KIF16B: variants seen among roughly 807,000 people sequenced by gnomAD.
The protein encoded by KIF16B is kinesin-like protein KIF16B.
A neutral mutation model predicts 156.3 loss-of-function variants in KIF16B; 98 were observed. The ratio of observed to expected loss-of-function variants is 0.63; its 90% confidence interval spans 0.53 to 0.74. The LOEUF is 0.74. Among genes scored for constraint, KIF16B ranks in the 30% least tolerant of loss-of-function variants. KIF16B has a pLI of 0.00. For missense variants in KIF16B, 1,421 were observed against 1,606.5 expected (o/e 0.88, Z 1.97); for synonymous variants, 564 against 583.7 (o/e 0.97, Z 0.49).
intron 12 of KIF16B, among the ~76,000 whole-genome samples, chr20:16,467,203 G>C (rs985230518): frequency 2.0e-5 from 3 of 152,146 alleles, no homozygotes; most frequent in Non-Finnish European, 4.4e-5. Context: ...GGCCAGGGCA[G>C]GGAGAGGACA....
intron 23 of KIF16B, among the ~76,000 whole-genome samples, chr20:16,354,807 G>A (rs773987780): frequency 5.9e-5 from 9 of 152,120 alleles, no homozygotes; most frequent in Admixed American, 1.3e-4. Context: ...TCAGCCGGAC[G>A]TGGTGGCACA....
In KIF16B at chr20:16,379,532, G is replaced by T. The variant is rs2236144; in HGVS notation, c.2470C>A (p.Arg824Ser). The T allele has an allele frequency of 0.023, 37,123 of 1,614,048 alleles. 618 individuals carry two copies. The highest frequency in any genetic ancestry group is 0.051 in the South Asian group (4,669 of 91,082). Residue 824 changes from arginine (R) to serine (S), a missense_variant, in exon 19 of 26, where the codon CGT (arginine) becomes AGT (serine). Arg to Ser is a moderately radical substitution (Grantham distance 110, BLOSUM62 -1). Coordinates refer to ENST00000354981, the MANE Select transcript of KIF16B (RefSeq NM_024704.5). ...DGEELEKAQL[R>S]FFEFKRRQLV... Reference sequence around the variant, plus strand: ...TGCCTTCTCTTGAATTCGAAGAAACGCAGTTGAGCCTTTTCTAACTCCTCG... The same window carrying T: ...TGCCTTCTCTTGAATTCGAAGAAACTCAGTTGAGCCTTTTCTAACTCCTCG...
intron 12 of KIF16B, among the ~76,000 whole-genome samples, chr20:16,450,771 G>A (rs2067058828): frequency 6.6e-6 from 1 of 152,196 alleles, no homozygotes; most frequent in African/African-American, 2.4e-5. Context: ...AGCAAGAAGA[G>A]ATGCTCAACA....
chr20:16,415,452 C>T (rs182732328), intron 15 of KIF16B, among the ~76,000 whole-genome samples: 1 of 152,236 alleles, frequency 6.6e-6, no homozygotes, highest in Admixed American at 6.5e-5. Flanking sequence ...TTCCTCACGG[C>T]TCTTCTATCA....
chr20:16,312,502 T>G (rs1308379899), intron 24 of KIF16B, 84 bp from the exon 25 acceptor site: 50 of 1,020,100 alleles, frequency 4.9e-5, no homozygotes, highest in Non-Finnish European at 6.8e-5. Context: ...TTGAAATCTC[T>G]TCCATGGGGT....
At chr20:16,418,776 A>G (rs984405063) in intron 15 of KIF16B, among the ~76,000 whole-genome samples, 3 of 152,132 alleles carry the variant, frequency 2.0e-5, no homozygotes, top group Admixed American at 2.0e-4. Flanking sequence ...TTCTCCACTC[A>G]TAAATATTCA....
At chr20:16,545,198 G>A (rs2070358075) in intron 1 of KIF16B, among the ~76,000 whole-genome samples, 1 of 152,076 alleles carries the variant, frequency 6.6e-6, no homozygotes, top group Non-Finnish European at 1.5e-5. Context: ...TCTTTGATAT[G>A]CTTCCTCAAA....
At chr20:16,483,513 C>G (rs193245364) in intron 12 of KIF16B, among the ~76,000 whole-genome samples, 1 of 152,096 alleles carries the variant, frequency 6.6e-6, no homozygotes, top group African/African-American at 2.4e-5. Context: ...AGTTTTACAT[C>G]AAAAAGGATA....
chr20:16,426,877 T>G (rs2066367219), intron 15 of KIF16B, among the ~76,000 whole-genome samples: 1 of 152,102 alleles, frequency 6.6e-6, no homozygotes, highest in African/African-American at 2.4e-5. Context: ...ACAACAACTT[T>G]TAAGATAATT....
At chr20:16,347,572 A>G (rs2064256833) in intron 23 of KIF16B, among the ~76,000 whole-genome samples, 1 of 151,592 alleles carries the variant, frequency 6.6e-6, no homozygotes, top group Non-Finnish European at 1.5e-5. Flanking sequence ...AAAGAAAAAA[A>G]AATTTTTTTT....
At chr20:16,529,410 C>T (rs745544481) in intron 1 of KIF16B, among the ~76,000 whole-genome samples, 105 of 152,264 alleles carry the variant, frequency 6.9e-4, no homozygotes, top group African/African-American at 2.1e-3. Flanking sequence ...ATTTCAATTA[C>T]GACTCTATAG....
At chr20:16,552,753 G>T (rs893657947) in intron 1 of KIF16B, among the ~76,000 whole-genome samples, 2 of 152,064 alleles carry the variant, frequency 1.3e-5, no homozygotes, top group Non-Finnish European at 2.9e-5. Context: ...TGATAGCTAA[G>T]GAAATATGTG....
At chr20:16,381,589 AGC>A in intron 18 of KIF16B, 103 bp downstream of exon 18, 1 of 775,960 alleles carries the variant, frequency 1.3e-6, no homozygotes, top group Non-Finnish European at 2.0e-6. Flanking sequence ...ACAGACACAG[AGC>A]AAGGGGGAAG....
At chr20:16,484,726 A>C (rs2068069759) in intron 12 of KIF16B, among the ~76,000 whole-genome samples, 1 of 152,200 alleles carries the variant, frequency 6.6e-6, no homozygotes, top group Non-Finnish European at 1.5e-5. Context: ...TCTGCAAATT[A>C]AAGCAGAGAG....
intron 12 of KIF16B, among the ~76,000 whole-genome samples, chr20:16,470,482 T>TTTTTG (rs1005805450): frequency 1.3e-5 from 2 of 152,044 alleles, no homozygotes; most frequent in Non-Finnish European, 2.9e-5. Context: ...CATTTTGTTC[T>TTTTTG]TTTTGTTTTG....
chr20:16,317,812 G>A (rs774112040), intron 24 of KIF16B, among the ~76,000 whole-genome samples: 3 of 152,184 alleles, frequency 2.0e-5, no homozygotes, highest in Non-Finnish European at 4.4e-5. Context: ...TTCTGCCTAT[G>A]CTAAATATGG....
At chr20:16,395,170 G>A (rs2065461659) in intron 17 of KIF16B, among the ~76,000 whole-genome samples, 2 of 127,228 alleles carry the variant, frequency 1.6e-5, no homozygotes, top group South Asian at 6.2e-4. Context: ...AGGCAGAAAG[G>A]AGATGAGGAA....
At chr20:16,355,181 C>T (rs1421027249) in intron 23 of KIF16B, among the ~76,000 whole-genome samples, 1 of 152,074 alleles carries the variant, frequency 6.6e-6, no homozygotes, top group East Asian at 1.9e-4. Context: ...CCAGGGCTGC[C>T]CTGAGATGCA....
chr20:16,418,446 C>T lies in KIF16B; in HGVS notation c.1612+8658G>A, dbSNP rs181712484. On this transcript the variant is annotated intron_variant, in intron 15 of 25. Coordinates refer to ENST00000354981, the MANE Select transcript of KIF16B (RefSeq NM_024704.5). Reference sequence around the variant, plus strand: ...CTTATACTCCCTCCTTTGCTAACTGCCACGGCTTTCATTCCTCAAGGTTCA... The same window carrying T: ...CTTATACTCCCTCCTTTGCTAACTGTCACGGCTTTCATTCCTCAAGGTTCA... Among the ~76,000 whole-genome samples, 212 of 152,212 alleles carry T rather than the reference C, an allele frequency of 1.4e-3. 1 individual carries two copies. The highest frequency in any genetic ancestry group is 2.9e-3 in the Admixed American group (45 of 15,292).
Sources: allele counts gnomAD v4.1 joint callset (sites outside exome capture counted in the v4.1 genomes callset), GRCh38; gene constraint gnomAD v4.1.1; transcripts MANE v1.5; gene names NCBI Gene and HGNC (gene_info 2026-07-23, HGNC 2026-07-21).